The following SP140 variants were observed in gnomAD, a reference collection of about 807,000 sequenced individuals.
SP140 encodes the protein SP140 nuclear body protein.
SP140 carries 81 observed loss-of-function variants against 125.0 expected under a neutral mutation model. That is an observed-to-expected ratio of 0.65 (90% CI 0.54 to 0.78). The LOEUF (loss-of-function observed/expected upper bound fraction) is 0.78. SP140 is among the 30% of genes least tolerant of loss of function. SP140 has a pLI of 0.00. For synonymous variants in SP140, 312 were observed against 354.0 expected (o/e 0.88, Z 1.33); for missense variants, 858 against 1,037.0 (o/e 0.83, Z 2.37).
intron 3 of SP140, among the ~76,000 whole-genome samples, chr2:230,219,135 G>C (rs1014887449): frequency 6.6e-6 from 1 of 152,240 alleles, no homozygotes; most frequent in Non-Finnish European, 1.5e-5. Flanking sequence ...TGAGGCAGGA[G>C]AATCGCTTGA....
In SP140 at chr2:230,225,883, A is replaced by G. The variant is rs1174913708; in HGVS notation, c.39A>G (p.Gly13=). ...QQGQQGQMAS[G]DSNLNFRMVA... is the part of the protein sequence containing the mutation. ...GCCAGCAGGGGCAGATGGCAAGTGG[A>G]GACAGCAATCTCAACTTCAGGTGGG... is the stretch of plus-strand genomic sequence containing the variant. The change falls in exon 1 of 27, where the codon GGA becomes GGG. Residue 13 remains glycine (G), a synonymous_variant. Coordinates refer to ENST00000392045, the MANE Select transcript of SP140 (RefSeq NM_007237.5). 7.4e-6 allele frequency: 12 copies of G among 1,613,832 alleles called. No homozygotes were observed. In the South Asian group the frequency reaches 1.2e-4, roughly 16 times the overall value.
upstream of SP140, among the ~76,000 whole-genome samples, chr2:230,201,784 G>A (rs114312838): frequency 2.0e-5 from 3 of 152,318 alleles, no homozygotes; most frequent in Non-Finnish European, 4.4e-5. Context: ...ATGCAAGGTG[G>A]ATTAATGTAT....
chr2:230,269,526 CATT>C lies in SP140; in HGVS notation c.1241-4_1241-2del, dbSNP rs2053615488. ...CTTGGACAATAATTTTCTTGTTTCTCATTAGTGTCTAGTGAACTAGAAAATCAC... is the reference window on the plus strand; with the variant it reads ...CTTGGACAATAATTTTCTTGTTTCTCAGTGTCTAGTGAACTAGAAAATCAC... On this transcript the variant is annotated splice_region_variant and splice_polypyrimidine_tract_variant and intron_variant, in intron 12 of 26. Transcript: ENST00000392045. 1.9e-6 allele frequency: 3 copies of C among 1,576,512 alleles called. No individual in the cohort carries two copies. The African/African-American group carries it at 4.0e-5, about 21-fold the overall frequency.
At chr2:230,247,343 C>CT (rs1196018482) in intron 7 of SP140, among the ~76,000 whole-genome samples, 1 of 152,138 alleles carries the variant, frequency 6.6e-6, no homozygotes, top group Admixed American at 6.5e-5. Flanking sequence ...GGATGAAACA[C>CT]TATTACTCCA....
At chr2:230,260,280 G>T (rs2052006463) in intron 12 of SP140, among the ~76,000 whole-genome samples, 1 of 152,036 alleles carries the variant, frequency 6.6e-6, no homozygotes. Flanking sequence ...CCCACTTTTT[G>T]ATGGGATTGT....
Position 230,248,904 on chromosome 2 carries a change from T to A in SP140, c.912T>A (p.Thr304=). The A allele has an allele frequency of 6.2e-7, 1 of 1,612,456 alleles. No homozygotes were observed. The highest frequency in any genetic ancestry group is 1.7e-4 in the Middle Eastern group (1 of 6,054). ...GRDKETFDLK[T]PQVTNEGEPE... is the part of the protein sequence containing the mutation. ...CTGCAGAGACCTTTGATCTAAAAACTCCCCAAGTCACTAATGAAGGAGAAC... is the reference window on the plus strand; with the variant it reads ...CTGCAGAGACCTTTGATCTAAAAACACCCCAAGTCACTAATGAAGGAGAAC... The change falls in exon 9 of 27, where the codon ACT becomes ACA. Residue 304 remains threonine, a synonymous_variant. Coordinates refer to ENST00000392045, the MANE Select transcript of SP140 (RefSeq NM_007237.5).
At chr2:230,264,225 G>A (rs570109202) in intron 12 of SP140, among the ~76,000 whole-genome samples, 87 of 152,090 alleles carry the variant, frequency 5.7e-4, no homozygotes, top group African/African-American at 1.9e-3. Flanking sequence ...CCTTGTCTTT[G>A]AGCTCTGAAT....
At chr2:230,222,609 C>T (rs770460765), upstream of SP140, among the ~76,000 whole-genome samples, 6 of 151,506 alleles carry the variant, frequency 4.0e-5, no homozygotes, top group Non-Finnish European at 8.8e-5. Flanking sequence ...CTGTGGTCCC[C>T]GCTATCAGGG....
intron 23 of SP140, 38 bp from the exon 24 acceptor site, chr2:230,310,705 G>A (rs1378978315): frequency 1.4e-6 from 2 of 1,390,690 alleles, no homozygotes; most frequent in East Asian, 2.5e-5. Flanking sequence ...CCATTTCCAA[G>A]CTCCCTGCCC....
chr2:230,213,055 G>C, intron 1 of SP140: 2 of 1,611,382 alleles, frequency 1.2e-6, no homozygotes, highest in Non-Finnish European at 1.7e-6. Flanking sequence ...ACACACATCA[G>C]TACCCTGGAG....
chr2:230,307,123 G>A (rs994914603), intron 22 of SP140, among the ~76,000 whole-genome samples: 7 of 152,304 alleles, frequency 4.6e-5, no homozygotes, highest in African/African-American at 1.7e-4. Flanking sequence ...CTACCTGCCA[G>A]CAGAGAGAAG....
At chr2:230,250,841 TGAACCCACCTACA>T (rs1410815111) in intron 9 of SP140, 127 bp from the exon 10 acceptor site, 41 of 762,182 alleles carry the variant, frequency 5.4e-5, no homozygotes, top group Non-Finnish European at 8.3e-5. Flanking sequence ...ACAGGCCAGG[TGAACCCACCTACA>T]GAACCCACCT....
chr2:230,243,284 A>T (rs951427388), intron 4 of SP140, among the ~76,000 whole-genome samples: 1 of 152,208 alleles, frequency 6.6e-6, no homozygotes, highest in Non-Finnish European at 1.5e-5. Context: ...GATCAAAGGG[A>T]GGTCTTTCTT....
At chr2:230,223,653 G>T (rs2045997520), upstream of SP140, among the ~76,000 whole-genome samples, 1 of 152,174 alleles carries the variant, frequency 6.6e-6, no homozygotes, top group Non-Finnish European at 1.5e-5. Context: ...GACATAATTG[G>T]ACATAAAAAC....
At chr2:230,269,088 T>C (rs1181157681) in intron 12 of SP140, among the ~76,000 whole-genome samples, 1 of 152,172 alleles carries the variant, frequency 6.6e-6, no homozygotes, top group East Asian at 1.9e-4. Flanking sequence ...TAATTTAGCA[T>C]TTGGCCATCA....
upstream of SP140, chr2:230,225,648 C>T: frequency 6.2e-6 from 4 of 644,000 alleles, no homozygotes; most frequent in South Asian, 5.2e-5. Flanking sequence ...CTCCTCCTCC[C>T]TTGACTGAGA....
chr2:230,244,883 T>C (rs2049201037), intron 5 of SP140, 105 bp from the exon 6 acceptor site: 2 of 742,106 alleles, frequency 2.7e-6, no homozygotes, highest in Non-Finnish European at 4.6e-6. Flanking sequence ...CTTGGAGCAA[T>C]AGTGTTTTTT....
At position 230,207,964 on chromosome 2, in the gene SP140, C is replaced by T. The variant is rs1228982778; in HGVS notation, c.-323+4685C>T. On this transcript the variant is annotated intron_variant, in intron 1 of 4. Transcript: ENST00000456542. ...CCCTGCATGAGCTGTTTCCAGCCTC[C>T]AGCTTCCTCTTGTACTCTCATCTTA... The T allele has an allele frequency of 5.0e-6, 6 of 1,208,284 alleles. No individual in the cohort carries two copies. In the South Asian group the frequency reaches 6.2e-5, roughly 12 times the overall value. The allele number at this position is 1,208,284 out of a possible 1,614,324, so 74.8% of individuals were successfully genotyped here.
At chr2:230,193,407 C>A in the SP140 span, among the ~76,000 whole-genome samples, 1 of 152,138 alleles carries the variant, frequency 6.6e-6, no homozygotes, top group Non-Finnish European at 1.5e-5. Context: ...TAATTGTTAC[C>A]TACATACGTT....
Sources: gnomAD v4.1 joint callset for allele counts (sites outside exome capture counted in the v4.1 genomes callset) on GRCh38, gnomAD v4.1.1 for gene constraint, MANE v1.5 for transcripts, NCBI Gene and HGNC (gene_info 2026-07-23, HGNC 2026-07-21) for gene names.